F13A1: variants seen among roughly 807,000 people sequenced by gnomAD.
The protein encoded by F13A1 is coagulation factor XIII A chain, also known as FSF, A subunit.
F13A1 carries 47 observed loss-of-function variants against 80.1 expected under a neutral mutation model. The ratio of observed to expected loss-of-function variants is 0.59; its 90% CI spans 0.46 to 0.75. The LOEUF (loss-of-function observed/expected upper bound fraction) is 0.75. F13A1 is among the 30% of genes least tolerant of loss of function. F13A1 has a pLI of 0.00. For missense variants in F13A1, 817 were observed against 930.4 expected (o/e 0.88, Z 1.59); for synonymous variants, 349 against 344.9 (o/e 1.01, Z -0.13).
At chr6:6,300,522 C>A (rs1758411041) in intron 3 of F13A1, among the ~76,000 whole-genome samples, 1 of 152,170 alleles carries the variant, frequency 6.6e-6, no homozygotes, top group Non-Finnish European at 1.5e-5. Context: ...CCGTCCGTCA[C>A]CCCTTTCTTT....
At chr6:6,230,023 T>A (rs1421431074) in intron 6 of F13A1, among the ~76,000 whole-genome samples, 1 of 152,096 alleles carries the variant, frequency 6.6e-6, no homozygotes, top group Non-Finnish European at 1.5e-5. Flanking sequence ...GAGCAGAGGA[T>A]AAAACTCCAC....
At chr6:6,249,694 T>G (rs1757603892) in intron 5 of F13A1, among the ~76,000 whole-genome samples, 1 of 152,080 alleles carries the variant, frequency 6.6e-6, no homozygotes, top group Non-Finnish European at 1.5e-5. Flanking sequence ...ATAAATAGAA[T>G]CACCAGGCTA....
At chr6:6,208,738 TAATC>T (rs973232560) in intron 8 of F13A1, among the ~76,000 whole-genome samples, 9 of 152,188 alleles carry the variant, frequency 5.9e-5, no homozygotes, top group African/African-American at 1.2e-4. Flanking sequence ...GTACAAGAGA[TAATC>T]AATAAGATGA....
At chr6:6,318,149 CA>C in intron 2 of F13A1, among the ~76,000 whole-genome samples, 1 of 152,242 alleles carries the variant, frequency 6.6e-6, no homozygotes, top group East Asian at 1.9e-4. Context: ...GCCAGACAAT[CA>C]AAACAGCCAC....
intron 10 of F13A1, among the ~76,000 whole-genome samples, chr6:6,191,744 C>G (rs1376894378): frequency 6.6e-6 from 1 of 152,208 alleles, no homozygotes; most frequent in African/African-American, 2.4e-5. Flanking sequence ...TGTCTGCAGG[C>G]TCTGCAGAGA....
At chr6:6,245,074 C>T (rs1757536367) in intron 6 of F13A1, among the ~76,000 whole-genome samples, 1 of 152,172 alleles carries the variant, frequency 6.6e-6, no homozygotes, top group Non-Finnish European at 1.5e-5. Flanking sequence ...GTTGTCACAA[C>T]TGGTAAGGGA....
chr6:6,239,646 G>A (rs1385483054), intron 6 of F13A1, among the ~76,000 whole-genome samples: 2 of 152,072 alleles, frequency 1.3e-5, no homozygotes, highest in East Asian at 3.9e-4. Context: ...CAGTATCTGA[G>A]GATGCTCATT....
At chr6:6,251,293 T>C (rs963065039) in intron 4 of F13A1, among the ~76,000 whole-genome samples, 3 of 152,234 alleles carry the variant, frequency 2.0e-5, no homozygotes, top group Non-Finnish European at 4.4e-5. Context: ...AATTAAAATA[T>C]AATTTCCAAC....
At position 6,174,782 on chromosome 6, in the gene F13A1, T is replaced by C. The variant is rs761440331; in HGVS notation, c.1545A>G (p.Ser515=). 5.0e-6 allele frequency: 8 copies of C among 1,614,216 alleles called. No homozygotes were observed. In the South Asian group the frequency reaches 7.7e-5, roughly 16 times the overall value. ...CAAAGTCCATGTCAACGTTGGACCT[T>C]GATTTCATGACACCTTCTGTGTTGA... The part of the protein sequence containing the change: ...KPLNTEGVMK[S]RSNVDMDFEV... The change falls in exon 12 of 15, where the codon TCA becomes TCG. Residue 515 remains serine, a synonymous_variant. Transcript: ENST00000264870.
chr6:6,258,748 T>C (rs1008856917), intron 4 of F13A1, among the ~76,000 whole-genome samples: 4 of 152,320 alleles, frequency 2.6e-5, no homozygotes, highest in African/African-American at 9.6e-5. Flanking sequence ...AAGAGGAATA[T>C]TGAGTAAATA....
At chr6:6,279,801 A>G (rs894021923) in intron 3 of F13A1, among the ~76,000 whole-genome samples, 1 of 152,072 alleles carries the variant, frequency 6.6e-6, no homozygotes, top group African/African-American at 2.4e-5. Flanking sequence ...AATCATGGCA[A>G]CTGACTTAAA....
chr6:6,275,007 T>C (rs982844761), intron 3 of F13A1, among the ~76,000 whole-genome samples: 4 of 152,096 alleles, frequency 2.6e-5, no homozygotes, highest in Admixed American at 1.3e-4. Flanking sequence ...GAGTGTGTCC[T>C]AGGGAGGGGA....
chr6:6,239,950 G>A (rs1375876058), intron 6 of F13A1, among the ~76,000 whole-genome samples: 2 of 152,176 alleles, frequency 1.3e-5, no homozygotes, highest in African/African-American at 4.8e-5. Context: ...GCATGAAGCT[G>A]TGCATATCCT....
At chr6:6,280,750 A>G (rs1011185449) in intron 3 of F13A1, among the ~76,000 whole-genome samples, 1 of 152,082 alleles carries the variant, frequency 6.6e-6, no homozygotes, top group Non-Finnish European at 1.5e-5. Context: ...ATCTTCTCTC[A>G]TTTCCTCTGG....
chr6:6,146,309 T>A (rs1760278614), intron 14 of F13A1, among the ~76,000 whole-genome samples: 1 of 152,222 alleles, frequency 6.6e-6, no homozygotes, highest in African/African-American at 2.4e-5. Context: ...CATTTGACTT[T>A]GAGAATCTTC....
intron 3 of F13A1, among the ~76,000 whole-genome samples, chr6:6,294,340 C>G (rs112479817): frequency 2.0e-5 from 3 of 152,072 alleles, no homozygotes; most frequent in Admixed American, 6.6e-5. Flanking sequence ...AGCCTCCCAG[C>G]CTACATCTTT....
intron 4 of F13A1, among the ~76,000 whole-genome samples, chr6:6,252,597 A>C (rs567885706): frequency 1.3e-5 from 2 of 152,368 alleles, no homozygotes; most frequent in Admixed American, 6.5e-5. Context: ...TCATATAAGT[A>C]GATATTCATT....
chr6:6,290,956 T>A (rs1758216812), intron 3 of F13A1, among the ~76,000 whole-genome samples: 1 of 152,194 alleles, frequency 6.6e-6, no homozygotes, highest in African/African-American at 2.4e-5. Context: ...AAGTATGTTA[T>A]GTATGTGAAA....
At chr6:6,283,531 G>A (rs1273335992) in intron 3 of F13A1, among the ~76,000 whole-genome samples, 1 of 151,920 alleles carries the variant, frequency 6.6e-6, no homozygotes, top group Non-Finnish European at 1.5e-5. Flanking sequence ...AACGGTTCTG[G>A]GAAAAAACAG....
Sources: allele counts gnomAD v4.1 joint callset (sites outside exome capture counted in the v4.1 genomes callset), GRCh38; gene constraint gnomAD v4.1.1; transcripts MANE v1.5; gene names NCBI Gene and HGNC (gene_info 2026-07-23, HGNC 2026-07-21).